The following PCDHA9 variants were observed in gnomAD, a reference collection of about 807,000 sequenced individuals.
PCDHA9 encodes the protein protocadherin alpha-9.
PCDHA9 carries 62 observed loss-of-function variants against 62.0 expected under a neutral mutation model. The observed-to-expected ratio is 1.00, with a 90% CI of 0.81 to 1.23. The LOEUF is 1.23. Ranked by LOEUF, PCDHA9 falls within the 50% of genes most tolerant of loss-of-function variation. The pLI is 0.00. For missense variants in PCDHA9, 1,205 were observed against 1,249.8 expected, an observed-to-expected ratio of 0.96 and a Z score of 0.54; for synonymous variants, 557 against 567.6, an observed-to-expected ratio of 0.98 and a Z score of 0.27.
chr5:140,874,266 T>C (rs1554167103), intron 1 of PCDHA9, among the ~76,000 whole-genome samples: 2 of 152,222 alleles, frequency 1.3e-5, no homozygotes, highest in Admixed American at 1.3e-4. Context: ...TTGACTTGAG[T>C]ATTAATAGAC....
intron 3 of PCDHA9, among the ~76,000 whole-genome samples, chr5:141,003,251 C>T (rs1240561091): frequency 6.6e-6 from 1 of 152,176 alleles, no homozygotes; most frequent in Admixed American, 6.5e-5. Flanking sequence ...AAAAAGATTC[C>T]TGGGCAGTGC....
chr5:140,973,590 A>G (rs562109843), intron 1 of PCDHA9, among the ~76,000 whole-genome samples: 3 of 152,340 alleles, frequency 2.0e-5, no homozygotes, highest in Non-Finnish European at 4.4e-5. Context: ...GCTGAGCCAG[A>G]TGGAATTATG....
intron 1 of PCDHA9, among the ~76,000 whole-genome samples, chr5:140,886,110 G>A (rs1332872994): frequency 6.6e-6 from 1 of 152,164 alleles, no homozygotes; most frequent in Non-Finnish European, 1.5e-5. Context: ...CAGTAAAGAA[G>A]TAACATAGTT....
intron 1 of PCDHA9, among the ~76,000 whole-genome samples, chr5:140,975,119 A>C (rs2096654213): frequency 6.6e-6 from 1 of 152,038 alleles, no homozygotes; most frequent in African/African-American, 2.4e-5. Context: ...CTGTTTTCCT[A>C]CTTACTATTG....
In PCDHA9 at chr5:140,979,814, T is replaced by C. The variant is rs1296773498; in HGVS notation, c.2453+807T>C. 3.3e-5 allele frequency among the ~76,000 whole-genome samples: 5 copies of C among 152,232 alleles called. No homozygotes were observed. The South Asian group carries it at 8.3e-4, about 25-fold the overall frequency. On this transcript the variant is annotated intron_variant, in intron 2 of 3. Transcript: ENST00000532602. The stretch of plus-strand genomic sequence containing the variant: ...CAAATGATCACAACTATCAAAAGGA[T>C]TTAATTTTAAAGAAGAAATAATCTT...
chr5:140,915,259 T>C (rs1344301014), intron 1 of PCDHA9, among the ~76,000 whole-genome samples: 1 of 152,182 alleles, frequency 6.6e-6, no homozygotes, highest in East Asian at 1.9e-4. Context: ...GTTGTTATTA[T>C]TTTTGACCAG....
At chr5:141,007,985 A>C (rs2153994605) in intron 3 of PCDHA9, among the ~76,000 whole-genome samples, 1 of 152,322 alleles carries the variant, frequency 6.6e-6, no homozygotes, top group South Asian at 2.1e-4. Context: ...TGTATATATG[A>C]AATGTACATG....
intron 1 of PCDHA9, chr5:140,926,711 C>T: frequency 1.1e-6 from 1 of 925,094 alleles, no homozygotes; most frequent in Non-Finnish European, 1.5e-6. Context: ...AGCTGGCCAG[C>T]CCCGGCAATG....
Position 140,850,299 on chromosome 5 carries a change from G to T in PCDHA9, c.1804G>T (p.Gly602Cys), listed in dbSNP as rs1554144160. ...GKVRAVDADS[G>C]YNAWLSYELQ... is the part of the protein sequence containing the mutation. Reference sequence around the variant, plus strand: ...GGTGCGCGCAGTGGACGCCGACTCGGGCTACAACGCGTGGCTTTCATACGA... The same window carrying T: ...GGTGCGCGCAGTGGACGCCGACTCGTGCTACAACGCGTGGCTTTCATACGA... The change falls in exon 1 of 4, where the codon GGC becomes TGC. Residue 602 changes from glycine to cysteine, a missense_variant. Gly to Cys is a radical substitution (Grantham distance 159, BLOSUM62 -3). Coordinates refer to ENST00000532602, the MANE Select transcript of PCDHA9 (RefSeq NM_031857.2). 6.3e-7 allele frequency: 1 copy of T among 1,596,494 alleles called. No individual in the cohort carries two copies. The highest frequency in any genetic ancestry group is 1.3e-5 in the African/African-American group (1 of 74,270).
chr5:140,902,010 G>A (rs187351122), intron 1 of PCDHA9, among the ~76,000 whole-genome samples: 56 of 152,092 alleles, frequency 3.7e-4, no homozygotes, highest in African/African-American at 1.3e-3. Context: ...TCACTGTTGG[G>A]ACATATAGAA....
At chr5:140,953,554 A>C (rs1554220985) in intron 1 of PCDHA9, among the ~76,000 whole-genome samples, 2 of 152,044 alleles carry the variant, frequency 1.3e-5, no homozygotes, top group Non-Finnish European at 2.9e-5. Flanking sequence ...TCTTTTCTCC[A>C]AGTTTTAGTG....
intron 1 of PCDHA9, among the ~76,000 whole-genome samples, chr5:140,956,246 C>T (rs2095270779): frequency 6.6e-6 from 1 of 152,094 alleles, no homozygotes; most frequent in African/African-American, 2.4e-5. Context: ...GGGAATGCTT[C>T]CAGGTTTTGC....
chr5:140,947,645 A>G (rs1373528004), intron 1 of PCDHA9, among the ~76,000 whole-genome samples: 2 of 151,670 alleles, frequency 1.3e-5, no homozygotes, highest in African/African-American at 2.4e-5. Flanking sequence ...GTATGAACAT[A>G]TATACCTCCA....
At chr5:140,913,451 T>G (rs1201347326) in intron 1 of PCDHA9, among the ~76,000 whole-genome samples, 1 of 152,160 alleles carries the variant, frequency 6.6e-6, no homozygotes, top group East Asian at 1.9e-4. Context: ...CAGCTCCGAT[T>G]TTATTTACTT....
chr5:140,871,316 T>C, intron 1 of PCDHA9: 1 of 1,614,034 alleles, frequency 6.2e-7, no homozygotes, highest in South Asian at 1.1e-5. Context: ...AAGCCCACGC[T>C]GGTGTGCTCC....
intron 3 of PCDHA9, among the ~76,000 whole-genome samples, chr5:140,997,083 A>C (rs1267571178): frequency 2.6e-5 from 4 of 152,174 alleles, no homozygotes; most frequent in Non-Finnish European, 5.9e-5. Flanking sequence ...AGTTGAGTAG[A>C]AAGTGCAGAG....
intron 1 of PCDHA9, among the ~76,000 whole-genome samples, chr5:140,962,537 A>G (rs1554226101): frequency 6.6e-6 from 1 of 152,208 alleles, no homozygotes; most frequent in Non-Finnish European, 1.5e-5. Context: ...TTTTAGAACT[A>G]AAAATGTAGA....
chr5:141,001,359 T>C (rs186629026), intron 3 of PCDHA9, among the ~76,000 whole-genome samples: 4 of 152,344 alleles, frequency 2.6e-5, no homozygotes, highest in Admixed American at 1.3e-4. Context: ...GGTTTAAGCC[T>C]ACTATTCTGA....
intron 1 of PCDHA9, chr5:140,928,782 T>C (rs2085522837): frequency 6.2e-7 from 1 of 1,614,030 alleles, no homozygotes; most frequent in East Asian, 2.2e-5. Context: ...CTGATGCAGT[T>C]AAGCAGAGGG....
Sources: gnomAD v4.1 joint callset for allele counts (sites outside exome capture counted in the v4.1 genomes callset) on GRCh38, gnomAD v4.1.1 for gene constraint, MANE v1.5 for transcripts, NCBI Gene and HGNC (gene_info 2026-07-23, HGNC 2026-07-21) for gene names.